Variants in ZCCHC7 observed in about 807,000 individuals in gnomAD.
ZCCHC7 encodes zinc finger CCHC domain-containing protein 7.
Under a neutral mutation model 52.0 loss-of-function variants are expected in ZCCHC7, and 35 were observed. That is an observed-to-expected ratio of 0.67 (90% CI 0.51 to 0.89). The LOEUF is 0.89. Ranked by LOEUF, ZCCHC7 falls within the 40% of genes least tolerant of loss-of-function variation. The probability of loss-of-function intolerance (pLI) is 0.00; values close to 1 mark genes in which losing one functional copy is unlikely to be tolerated. For missense variants in ZCCHC7, 574 were observed against 649.1 expected, an observed-to-expected ratio of 0.88 and a Z score of 1.26; for synonymous variants, 217 against 221.5, an observed-to-expected ratio of 0.98 and a Z score of 0.18.
At chr9:37,349,574 T>C (rs1821239492) in intron 7 of ZCCHC7, 122 bp downstream of exon 7, 1 of 955,866 alleles carries the variant, frequency 1.0e-6, no homozygotes, top group Non-Finnish European at 1.6e-6. Context: ...AAGTAAGACT[T>C]AATATATTTT....
intron 2 of ZCCHC7, among the ~76,000 whole-genome samples, chr9:37,160,410 G>A (rs1821034037): frequency 6.6e-6 from 1 of 152,220 alleles, no homozygotes; most frequent in African/African-American, 2.4e-5. Context: ...AGCTACTTGG[G>A]AGGCTGAGGC....
At chr9:37,227,042 A>AC (rs1482740028) in intron 2 of ZCCHC7, among the ~76,000 whole-genome samples, 1 of 151,966 alleles carries the variant, frequency 6.6e-6, no homozygotes, top group African/African-American at 2.4e-5. Context: ...AAAAAAAAAA[A>AC]AAAACCAGGA....
At chr9:37,279,637 T>G (rs979180575) in intron 2 of ZCCHC7, among the ~76,000 whole-genome samples, 1 of 151,664 alleles carries the variant, frequency 6.6e-6, no homozygotes, top group African/African-American at 2.4e-5. Context: ...GGCAGGAGGA[T>G]CCTTTAAGCC....
intron 6 of ZCCHC7, among the ~76,000 whole-genome samples, chr9:37,336,690 A>C (rs572320186): frequency 6.6e-6 from 1 of 152,208 alleles, no homozygotes; most frequent in East Asian, 1.9e-4. Context: ...TATGTTAAGC[A>C]TTTTGTATGG....
intron 2 of ZCCHC7, among the ~76,000 whole-genome samples, chr9:37,270,915 C>T (rs902643418): frequency 2.0e-5 from 3 of 151,762 alleles, no homozygotes; most frequent in Non-Finnish European, 2.9e-5. Context: ...TTAAAAGAAA[C>T]CCTTGATATA....
chr9:37,270,410 GC>G (rs1198178532), intron 2 of ZCCHC7, among the ~76,000 whole-genome samples: 1 of 151,886 alleles, frequency 6.6e-6, no homozygotes, highest in Non-Finnish European at 1.5e-5. Context: ...CTCCTAGGAG[GC>G]TGGGCGCGGT....
intron 2 of ZCCHC7, among the ~76,000 whole-genome samples, chr9:37,173,711 G>C (rs1268933022): frequency 2.0e-5 from 3 of 152,050 alleles, no homozygotes; most frequent in Non-Finnish European, 4.4e-5. Context: ...GGTACAGTTG[G>C]TATCAGATTC....
intron 2 of ZCCHC7, among the ~76,000 whole-genome samples, chr9:37,208,293 C>T (rs1824030162): frequency 6.6e-6 from 1 of 152,056 alleles, no homozygotes; most frequent in East Asian, 1.9e-4. Flanking sequence ...CCATTGTTGC[C>T]CAGGCTGGTC....
At chr9:37,201,387 A>G (rs1823623260) in intron 2 of ZCCHC7, among the ~76,000 whole-genome samples, 1 of 152,236 alleles carries the variant, frequency 6.6e-6, no homozygotes, top group Non-Finnish European at 1.5e-5. Context: ...TTGTCAGCAT[A>G]TTATAATATT....
chr9:37,234,351 T>G (rs1431854869), intron 2 of ZCCHC7, among the ~76,000 whole-genome samples: 4 of 152,250 alleles, frequency 2.6e-5, no homozygotes, highest in Non-Finnish European at 5.9e-5. Flanking sequence ...TGGCTTTGGG[T>G]ACTTTTGACT....
chr9:37,135,719 T>G (rs1041968339), intron 2 of ZCCHC7, among the ~76,000 whole-genome samples: 2 of 152,230 alleles, frequency 1.3e-5, no homozygotes, highest in African/African-American at 4.8e-5. Context: ...TAGTATTATT[T>G]AAAGTGAAAT....
At chr9:37,326,406 C>T (rs1830240427) in intron 5 of ZCCHC7, among the ~76,000 whole-genome samples, 1 of 151,358 alleles carries the variant, frequency 6.6e-6, no homozygotes, top group Non-Finnish European at 1.5e-5. Context: ...TTTAGTAAGA[C>T]ACTTTAGTTT....
At chr9:37,178,006 T>A (rs1014404016) in intron 2 of ZCCHC7, among the ~76,000 whole-genome samples, 4 of 152,228 alleles carry the variant, frequency 2.6e-5, no homozygotes, top group Non-Finnish European at 5.9e-5. Context: ...TCATTAATTT[T>A]GTCAAATTTA....
intron 2 of ZCCHC7, among the ~76,000 whole-genome samples, chr9:37,271,068 C>A (rs919021108): frequency 1.5e-4 from 23 of 152,192 alleles, no homozygotes; most frequent in African/African-American, 5.5e-4. Flanking sequence ...CATTTTGCAA[C>A]TCCTAATGAA....
chr9:37,192,638 C>T (rs957831880), intron 2 of ZCCHC7, among the ~76,000 whole-genome samples: 2 of 152,030 alleles, frequency 1.3e-5, no homozygotes, highest in Non-Finnish European at 2.9e-5. Flanking sequence ...GTGTGTGTCA[C>T]CTATGGAAAA....
intron 7 of ZCCHC7, among the ~76,000 whole-genome samples, chr9:37,353,757 A>T (rs1821533651): frequency 6.6e-6 from 1 of 152,196 alleles, no homozygotes; most frequent in Non-Finnish European, 1.5e-5. Flanking sequence ...TAGCTTGGCT[A>T]GTTCAGACTT....
chr9:37,280,059 C>A (rs1160942186), intron 2 of ZCCHC7, among the ~76,000 whole-genome samples: 1 of 151,634 alleles, frequency 6.6e-6, no homozygotes, highest in Non-Finnish European at 1.5e-5. Context: ...GAGAATGGCG[C>A]GAACCCGGGA....
At chr9:37,174,923 G>T (rs1335561577) in intron 2 of ZCCHC7, among the ~76,000 whole-genome samples, 3 of 152,004 alleles carry the variant, frequency 2.0e-5, no homozygotes, top group Non-Finnish European at 4.4e-5. Flanking sequence ...GATCACTTAA[G>T]GTCAGGAGTT....
chr9:37,315,944 C>CT (rs1031526534), intron 5 of ZCCHC7, among the ~76,000 whole-genome samples: 5 of 145,814 alleles, frequency 3.4e-5, no homozygotes, highest in Non-Finnish European at 6.0e-5. Context: ...ATATAATGGA[C>CT]TTAAAAAAGT....
Sources: allele counts gnomAD v4.1 joint callset (sites outside exome capture counted in the v4.1 genomes callset), GRCh38; gene constraint gnomAD v4.1.1; transcripts MANE v1.5; gene names NCBI Gene and HGNC (gene_info 2026-07-23, HGNC 2026-07-21).